Variants in LMTK3 observed in about 807,000 individuals in gnomAD.
The protein encoded by LMTK3 is serine/threonine-protein kinase LMTK3.
LMTK3 carries 27 observed loss-of-function variants against 116.7 expected under a neutral mutation model. The observed-to-expected ratio is 0.23, with a 90% CI of 0.17 to 0.32. The LOEUF (loss-of-function observed/expected upper bound fraction) is 0.32, where lower values mean the gene tolerates loss of function less well. Ranked by LOEUF, LMTK3 falls within the 10% of genes least tolerant of loss-of-function variation. The pLI, the probability that LMTK3 is intolerant of heterozygous loss-of-function variation, is 1.00. For synonymous variants in LMTK3, 965 were observed against 971.0 expected (o/e 0.99, Z 0.11); for missense variants, 1,764 against 2,068.5 (o/e 0.85, Z 2.86).
intron 5 of LMTK3, 105 bp from the exon 6 acceptor site, chr19:48,503,101 T>TTTTG (rs372430371): frequency 1.2e-5 from 9 of 732,476 alleles, no homozygotes; most frequent in East Asian, 8.1e-5. Flanking sequence ...TTTTTGTTGT[T>TTTTG]TTTGTTTGTT....
intron 5 of LMTK3, among the ~76,000 whole-genome samples, chr19:48,505,081 TTCTCTC>T (rs59270444): frequency 5.2e-4 from 71 of 135,694 alleles, no homozygotes; most frequent in African/African-American, 1.9e-3. Context: ...CTCTGACAGT[TTCTCTC>T]TCTCTCTCTC....
Position 48,501,475 on chromosome 19 carries a change from T to C in LMTK3, c.879+3A>G. ...CCCCCATCCCGACGGAAGGAAGCCC[T>C]ACCTTGTAGTTGCTGTGGGCCAGCC... is the stretch of plus-strand genomic sequence containing the variant. On this transcript the variant is annotated splice_donor_region_variant and intron_variant, in intron 8 of 14. Coordinates refer to ENST00000600059, the MANE Select transcript of LMTK3 (RefSeq NM_001388485.1). 1 of 1,612,658 alleles carries C rather than the reference T, an allele frequency of 6.2e-7. No homozygotes were observed. Among genetic ancestry groups the C allele is most frequent in the Non-Finnish European group, 8.5e-7 (1 of 1,179,322 alleles).
At chr19:48,486,929 A>G (rs1972134450) in intron 14 of LMTK3, among the ~76,000 whole-genome samples, 2 of 150,938 alleles carry the variant, frequency 1.3e-5, no homozygotes, top group Non-Finnish European at 2.9e-5. Context: ...GCAGTGGCGC[A>G]ATCTTGACTT....
chr19:48,511,560 G>A lies in LMTK3; in HGVS notation c.17C>T (p.Ala6Val), dbSNP rs1972661797. MPAPG[A>V]LILLAAVSAS... ...GGAGACGGCCGCAAGGAGGATGAGG[G>A]CGCCGGGGGCAGGCATCTTGTCGAG... Residue 6 changes from alanine (A) to valine (V), a missense_variant, in exon 1 of 15, where the codon GCC becomes GTC. By Grantham distance (64) the Ala-to-Val change is moderately conservative (BLOSUM62 0). This residue lies in a region of LMTK3 where 66 missense variants were observed against 61.1 expected (regional missense o/e 1.08). Transcript: ENST00000600059. 4.2e-6 allele frequency: 6 copies of A among 1,442,738 alleles called. No homozygotes were observed. Among genetic ancestry groups the A allele is most frequent in the Non-Finnish European group, 5.5e-6 (6 of 1,085,224 alleles). 89.4% of individuals were successfully genotyped at this position (1,442,738 alleles called of 1,614,324 possible).
intron 5 of LMTK3, among the ~76,000 whole-genome samples, chr19:48,506,408 G>C (rs1005681437): frequency 1.3e-5 from 2 of 152,198 alleles, no homozygotes; most frequent in Non-Finnish European, 2.9e-5. Context: ...GTGGAGAGAA[G>C]GACTGGCTTG....
At position 48,511,795 on chromosome 19, in the gene LMTK3, C is replaced by T. The variant is rs1214655105; in HGVS notation, c.-219G>A. 4.9e-6 allele frequency: 1 copy of T among 205,020 alleles called. No individual in the cohort carries two copies. Among genetic ancestry groups the T allele is most frequent in the Non-Finnish European group, 8.8e-6 (1 of 113,556 alleles). The allele number at this position is 205,020 out of a possible 1,614,324, so 12.7% of individuals were successfully genotyped here. On this transcript the variant is annotated 5_prime_UTR_variant, in exon 1 of 15. Coordinates refer to ENST00000600059, the MANE Select transcript of LMTK3 (RefSeq NM_001388485.1). ...ACAGACGGATGAAGGGATGGAGAGG[C>T]GGACAGAGGAGAGATGCTGGGGAGC...
intron 5 of LMTK3, among the ~76,000 whole-genome samples, chr19:48,507,297 C>T (rs188184747): frequency 2.0e-5 from 3 of 152,328 alleles, no homozygotes; most frequent in East Asian, 1.9e-4. Context: ...AGAGGTGAAG[C>T]GACTTGCCTA....
At chr19:48,513,638 G>A (rs970098951), upstream of LMTK3, 184 of 186,334 alleles carry the variant, frequency 9.9e-4, no homozygotes, top group African/African-American at 4.0e-3. The surrounding 1 kb of genome is among the most constrained non-coding windows in gnomAD (Gnocchi z 5.6). Flanking sequence ...GGCCGGAGCT[G>A]CGCACCCAAG....
Position 48,497,917 on chromosome 19 carries a change from G to A in LMTK3, c.3152C>T (p.Ser1051Phe), listed in dbSNP as rs1290806172. The A allele has an allele frequency of 6.6e-7, 1 of 1,521,506 alleles. No homozygotes were observed. Among genetic ancestry groups the A allele is most frequent in the Non-Finnish European group, 8.8e-7 (1 of 1,140,168 alleles). The allele number at this position is 1,521,506 out of a possible 1,614,324, so 94.3% of individuals were successfully genotyped here. A position where few individuals can be genotyped will look rare whatever the true frequency, so the allele number is the denominator to read the frequency against. Residue 1051 changes from serine to phenylalanine, a missense_variant, in exon 11 of 15, where the codon TCT becomes TTT. Coordinates refer to ENST00000600059, the MANE Select transcript of LMTK3 (RefSeq NM_001388485.1). This position sits in a 1 kb window ranked among gnomAD's most constrained non-coding sequence, Gnocchi z 5.7. ...GCTGGGTGCAGGGGCTCTCTCCAGA[G>A]AGGTCTCTGGGGCTGGCTCCCCGAT... ...PTIGEPAPET[S>F]LERAPAPSAV...
chr19:48,513,485 C>G (rs1252367473), upstream of LMTK3: 1 of 357,492 alleles, frequency 2.8e-6, no homozygotes, highest in Non-Finnish European at 5.2e-6. This position sits in a 1 kb window ranked among gnomAD's most constrained non-coding sequence, Gnocchi z 5.6. Context: ...ACATCACGTG[C>G]CAGGCCGCCG....
chr19:48,486,047 CTTTTTTTTTTTTTTTT>C (rs141193575), intron 14 of LMTK3, among the ~76,000 whole-genome samples: 6 of 59,790 alleles, frequency 1.0e-4, no homozygotes, highest in South Asian at 7.4e-4. Context: ...AACATTCTTC[CTTTTTTTTTTTTTTTT>C]TTTTTTTTTT....
rs781199647 is a variant in LMTK3, at chr19:48,491,222, C to G, written c.4252G>C (p.Asp1418His). 1 of 1,413,480 alleles carries G rather than the reference C, an allele frequency of 7.1e-7. No individual in the cohort carries two copies. Among genetic ancestry groups the G allele is most frequent in the East Asian group, 2.8e-5 (1 of 35,534 alleles). The allele number at this position is 1,413,480 out of a possible 1,614,324, so 87.6% of individuals were successfully genotyped here. Residue 1418 changes from aspartate (D) to histidine (H), a missense_variant, in exon 14 of 15, where the codon GAT becomes CAT. Coordinates refer to ENST00000600059, the MANE Select transcript of LMTK3 (RefSeq NM_001388485.1). The surrounding 1 kb of genome is among the most constrained non-coding windows in gnomAD (Gnocchi z 5.1). ...GFGGSFEWAE[D>H]FPLLPPPGPP... ...CCTGGAGGGGGGAGGAGGGGGAAAT[C>G]CTCCGCCCACTCGAAACTGCCTCCT...
rs901464655 is a variant in LMTK3, at chr19:48,498,936, C to T, written c.2133G>A (p.Arg711=). 3.6e-5 allele frequency: 46 copies of T among 1,293,220 alleles called. No homozygotes were observed. The highest frequency in any genetic ancestry group is 1.2e-4 in the Admixed American group (3 of 25,004). 80.1% of individuals were successfully genotyped at this position (1,293,220 alleles called of 1,614,324 possible). A position where few individuals can be genotyped will look rare whatever the true frequency, so the allele number is the denominator to read the frequency against. The change falls in exon 11 of 15, where the codon CGG becomes CGA. Residue 711 remains arginine, a synonymous_variant. Transcript: ENST00000600059. ...AGTCGGCCAGGGAGCCCCGCTCTGCCCGCAGCGAGGAGTCGTCCTCGGGGG... is the reference window on the plus strand; with the variant it reads ...AGTCGGCCAGGGAGCCCCGCTCTGCTCGCAGCGAGGAGTCGTCCTCGGGGG... ...PHPPEDDSSL[R]AERGSLADLP...
Position 48,497,679 on chromosome 19 carries a change from G to C in LMTK3, c.3390C>G (p.Gly1130=). Residue 1130 remains glycine (G), a synonymous_variant, in exon 11 of 15, where the codon GGC becomes GGG. Transcript: ENST00000600059. The surrounding 1 kb of genome is among the most constrained non-coding windows in gnomAD (Gnocchi z 5.7). ...GTAPGGGPGS[G]VDAKAGWVDN... ...CTACCCATCCGGCCTTTGCGTCCAC[G>C]CCGCTTCCGGGGCCGCCGCCGGGGG... The C allele has an allele frequency of 6.9e-6, 9 of 1,313,802 alleles. No individual in the cohort carries two copies. The highest frequency in any genetic ancestry group is 8.7e-6 in the Non-Finnish European group (9 of 1,035,456). 81.4% of individuals were successfully genotyped at this position (1,313,802 alleles called of 1,614,324 possible). A position where few individuals can be genotyped will look rare whatever the true frequency, so the allele number is the denominator to read the frequency against.
At position 48,510,005 on chromosome 19, in the gene LMTK3, C is replaced by A; in HGVS notation, c.361+18G>T. 1 of 1,612,124 alleles carries A rather than the reference C, an allele frequency of 6.2e-7. No individual in the cohort carries two copies. Among genetic ancestry groups the A allele is most frequent in the South Asian group, 1.1e-5 (1 of 90,974 alleles). ...TCCCGGGACACCATGGGATGCTGGTCATGGCGTGGGGCAGTACCTGAGTGT... is the reference window on the plus strand; with the variant it reads ...TCCCGGGACACCATGGGATGCTGGTAATGGCGTGGGGCAGTACCTGAGTGT... On this transcript the variant is annotated intron_variant, in intron 3 of 14. Coordinates refer to ENST00000600059, the MANE Select transcript of LMTK3 (RefSeq NM_001388485.1).
At chr19:48,486,028 G>T (rs1420025600) in intron 14 of LMTK3, among the ~76,000 whole-genome samples, 1 of 144,386 alleles carries the variant, frequency 6.9e-6, no homozygotes, top group African/African-American at 2.6e-5. Context: ...TGCTGTTCCC[G>T]CTGCCTGGAA....
Position 48,508,833 on chromosome 19 carries a change from C to A in LMTK3, c.557+18G>T, listed in dbSNP as rs1294375773. On this transcript the variant is annotated intron_variant, in intron 5 of 14. Coordinates refer to ENST00000600059, the MANE Select transcript of LMTK3 (RefSeq NM_001388485.1). ...GTCACCTCAACAAGGCACACACCCA[C>A]TGAGAAACCCTCAGTACCTGTACGG... is the stretch of plus-strand genomic sequence containing the variant. 1 of 1,593,196 alleles carries A rather than the reference C, an allele frequency of 6.3e-7. No homozygotes were observed. Among genetic ancestry groups the A allele is most frequent in the Non-Finnish European group, 8.6e-7 (1 of 1,160,958 alleles).
rs372400709 is a variant in LMTK3, at chr19:48,498,219, C to T, written c.2850G>A (p.Gly950=). ...GCACTTTCTCTTCTCTCTCGGGGGA[C>T]CCCAGGGCCCCATTCTCCGCCGCCT... The part of the protein sequence containing the change: ...EEKAAENGAL[G]SPEREEKVLE... Residue 950 remains glycine (G), a synonymous_variant, in exon 11 of 15, where the codon GGG becomes GGA. Transcript: ENST00000600059. 1.3e-4 allele frequency: 202 copies of T among 1,613,052 alleles called. No individual in the cohort carries two copies. The highest frequency in any genetic ancestry group is 6.6e-4 in the Middle Eastern group (4 of 6,078).
Position 48,499,312 on chromosome 19 carries a change from G to A in LMTK3, c.1757C>T (p.Ser586Phe). 7.0e-7 allele frequency: 1 copy of A among 1,418,780 alleles called. No homozygotes were observed. The highest frequency in any genetic ancestry group is 9.2e-7 in the Non-Finnish European group (1 of 1,084,748). 87.9% of individuals were successfully genotyped at this position (1,418,780 alleles called of 1,614,324 possible). A position where few individuals can be genotyped will look rare whatever the true frequency, so the allele number is the denominator to read the frequency against. ...VPQLVSETWA[S>F]PLFPAPRPFP... is the part of the protein sequence containing the mutation. Reference sequence around the variant, plus strand: ...GGGCCGGGGCGCAGGGAAGAGGGGGGAGGCCCAGGTCTCGGACACCAGCTG... The same window carrying A: ...GGGCCGGGGCGCAGGGAAGAGGGGGAAGGCCCAGGTCTCGGACACCAGCTG... Residue 586 changes from serine (S) to phenylalanine (F), a missense_variant, in exon 11 of 15, where the codon TCC (serine) becomes TTC (phenylalanine). Transcript: ENST00000600059.
Sources: gnomAD v4.1 joint callset for allele counts (sites outside exome capture counted in the v4.1 genomes callset) on GRCh38, gnomAD v4.1.1 for gene constraint, gnomAD v4.1.1 regional missense constraint, Gnocchi (gnomAD v3.1) non-coding constraint, MANE v1.5 for transcripts, NCBI Gene and HGNC (gene_info 2026-07-23, HGNC 2026-07-21) for gene names.